EPB41L4A: variants seen among roughly 807,000 people sequenced by gnomAD.
EPB41L4A encodes the protein erythrocyte membrane protein band 4.1 like 4A, also known as band 4.1-like protein 4A.
In EPB41L4A, 100 loss-of-function variants were observed where a neutral mutation model predicts 108.6. The observed-to-expected ratio is 0.92, with a 90% CI of 0.78 to 1.09. The LOEUF (loss-of-function observed/expected upper bound fraction) is 1.09, where lower values mean the gene tolerates loss of function less well. EPB41L4A is among the 50% of genes least tolerant of loss of function. The pLI is 0.00. For missense variants in EPB41L4A, 1,030 were observed against 842.7 expected (o/e 1.22, Z -2.75); for synonymous variants, 319 against 289.0 (o/e 1.10, Z -1.05).
chr5:112,247,353 A>C (rs1255177472), intron 9 of EPB41L4A, among the ~76,000 whole-genome samples: 2 of 152,120 alleles, frequency 1.3e-5, no homozygotes, highest in African/African-American at 4.8e-5. Flanking sequence ...TATCAAGATA[A>C]ATTGTTAAGG....
chr5:112,347,478 T>TC (rs1287377981), intron 1 of EPB41L4A, among the ~76,000 whole-genome samples: 1 of 152,210 alleles, frequency 6.6e-6, no homozygotes, highest in African/African-American at 2.4e-5. Context: ...GTTTTTTCAC[T>TC]CCCCCACAAT....
intron 12 of EPB41L4A, among the ~76,000 whole-genome samples, chr5:112,157,244 A>G (rs185568323): frequency 2.0e-5 from 3 of 152,266 alleles, no homozygotes; most frequent in Non-Finnish European, 4.4e-5. Flanking sequence ...GCAACTGGTT[A>G]TCCCTAGAAC....
At chr5:112,316,475 G>A (rs923312228) in intron 1 of EPB41L4A, among the ~76,000 whole-genome samples, 1 of 152,026 alleles carries the variant, frequency 6.6e-6, no homozygotes, top group Non-Finnish European at 1.5e-5. Flanking sequence ...AGGTACCAAA[G>A]GTAACTCCTT....
intron 1 of EPB41L4A, among the ~76,000 whole-genome samples, chr5:112,406,832 T>C (rs185462514): frequency 6.6e-6 from 1 of 152,224 alleles, no homozygotes; most frequent in South Asian, 2.1e-4. Context: ...TCTAGGCCCA[T>C]GTGCTAAGTC....
intron 1 of EPB41L4A, among the ~76,000 whole-genome samples, chr5:112,399,072 G>C (rs73788021): frequency 6.6e-6 from 1 of 151,962 alleles, no homozygotes; most frequent in Non-Finnish European, 1.5e-5. Context: ...CATCACCCTC[G>C]CCAAAATCAA....
intron 1 of EPB41L4A, among the ~76,000 whole-genome samples, chr5:112,397,925 G>A (rs554303925): frequency 3.3e-4 from 51 of 152,264 alleles, no homozygotes; most frequent in African/African-American, 1.1e-3. Context: ...AGTGCAGCCT[G>A]CCTAGAAAAC....
intron 3 of EPB41L4A, among the ~76,000 whole-genome samples, chr5:112,277,198 C>T (rs575260090): frequency 2.6e-5 from 4 of 151,970 alleles, no homozygotes; most frequent in Non-Finnish European, 5.9e-5. Context: ...ACCTAGGGGG[C>T]GGGGAGGAGC....
chr5:112,379,653 C>T (rs1223264206), intron 1 of EPB41L4A, among the ~76,000 whole-genome samples: 1 of 152,198 alleles, frequency 6.6e-6, no homozygotes, highest in Non-Finnish European at 1.5e-5. Flanking sequence ...CAACAGCAAA[C>T]TGCATAAGAA....
intron 12 of EPB41L4A, among the ~76,000 whole-genome samples, chr5:112,216,082 T>C (rs1747616968): frequency 6.6e-6 from 1 of 152,182 alleles, no homozygotes; most frequent in African/African-American, 2.4e-5. Context: ...TTTGAGTGGT[T>C]AGATTCTGTT....
chr5:112,396,964 T>A (rs1000880559), intron 1 of EPB41L4A, among the ~76,000 whole-genome samples: 11 of 152,214 alleles, frequency 7.2e-5, no homozygotes, highest in Non-Finnish European at 1.5e-4. Flanking sequence ...ATTCAGTAGG[T>A]ACATGTGCAT....
intron 1 of EPB41L4A, among the ~76,000 whole-genome samples, chr5:112,354,903 A>T (rs1412886542): frequency 6.6e-6 from 1 of 152,234 alleles, no homozygotes; most frequent in Admixed American, 6.5e-5. Flanking sequence ...CATTAATAGC[A>T]TTAATAATGA....
At chr5:112,302,211 A>T (rs981262535) in intron 2 of EPB41L4A, among the ~76,000 whole-genome samples, 3 of 152,110 alleles carry the variant, frequency 2.0e-5, no homozygotes, top group Non-Finnish European at 1.5e-5. Flanking sequence ...ATGGTTTTTT[A>T]AAAAAATTCA....
chr5:112,311,075 G>C (rs1755018989), intron 1 of EPB41L4A, among the ~76,000 whole-genome samples: 1 of 152,128 alleles, frequency 6.6e-6, no homozygotes, highest in Admixed American at 6.5e-5. Flanking sequence ...GCAGTGGTGT[G>C]ATCTTGGCTC....
At chr5:112,269,442 A>G (rs933743118) in intron 4 of EPB41L4A, among the ~76,000 whole-genome samples, 2 of 152,114 alleles carry the variant, frequency 1.3e-5, no homozygotes, top group Non-Finnish European at 2.9e-5. Flanking sequence ...TATATTGCTT[A>G]TTTTGTATAT....
At chr5:112,178,515 T>TA (rs1405053396) in intron 18 of EPB41L4A, among the ~76,000 whole-genome samples, 5 of 152,128 alleles carry the variant, frequency 3.3e-5, no homozygotes, top group Non-Finnish European at 7.4e-5. Context: ...TATTCATCAT[T>TA]AAAAACCATA....
intron 1 of EPB41L4A, among the ~76,000 whole-genome samples, chr5:112,362,282 G>GTTTTT (rs34273954): frequency 7.4e-6 from 1 of 134,706 alleles, no homozygotes. Context: ...GAGCATTAAT[G>GTTTTT]TTTTTTTTTT....
rs148537593 is a variant in EPB41L4A at position 112,282,789 on chromosome 5, T to A, written c.205-2466A>T. On this transcript the variant is annotated intron_variant, in intron 2 of 22. Transcript: ENST00000261486. ...GAGGCTTTGGTCTTATTACTGTCTG[T>A]CTAATCTTGTTCTGAAACTAGTAAG... Among the ~76,000 whole-genome samples, 476 of 152,354 alleles carry A rather than the reference T, an allele frequency of 3.1e-3. 2 individuals carry two copies. Among genetic ancestry groups the A allele is most frequent in the Non-Finnish European group, 4.3e-3 (291 of 68,026 alleles).
intron 17 of EPB41L4A, among the ~76,000 whole-genome samples, chr5:112,191,063 C>T (rs1259263765): frequency 2.0e-5 from 3 of 152,024 alleles, no homozygotes; most frequent in Non-Finnish European, 4.4e-5. Context: ...AAAAACTGTG[C>T]CTCCAACTTC....
intron 9 of EPB41L4A, among the ~76,000 whole-genome samples, chr5:112,255,709 G>C (rs1033124455): frequency 6.6e-6 from 1 of 151,898 alleles, no homozygotes; most frequent in African/African-American, 2.4e-5. Context: ...AGGTAGTCTC[G>C]TGGCTTCAAA....
Sources: gnomAD v4.1 joint callset for allele counts (sites outside exome capture counted in the v4.1 genomes callset) on GRCh38, gnomAD v4.1.1 for gene constraint, MANE v1.5 for transcripts, NCBI Gene and HGNC (gene_info 2026-07-23, HGNC 2026-07-21) for gene names.